DYDC2: variants seen among roughly 807,000 people sequenced by gnomAD.
The protein encoded by DYDC2 is DPY30 domain containing 2.
DYDC2 carries 19 observed loss-of-function variants against 18.7 expected under a neutral mutation model. That is an observed-to-expected ratio of 1.02 (90% CI 0.71 to 1.49). The LOEUF (loss-of-function observed/expected upper bound fraction) is 1.49, where lower values mean the gene tolerates loss of function less well. Among genes scored for constraint, DYDC2 ranks in the 40% most tolerant of loss-of-function variants. The pLI is 0.00. For missense variants in DYDC2, 179 were observed against 205.1 expected, an observed-to-expected ratio of 0.87 and a Z score of 0.78; for synonymous variants, 63 against 67.6, an observed-to-expected ratio of 0.93 and a Z score of 0.34.
chr10:80,348,548 A>G (rs1234056258), intron 1 of DYDC2, among the ~76,000 whole-genome samples: 1 of 152,206 alleles, frequency 6.6e-6, no homozygotes, highest in Non-Finnish European at 1.5e-5. Flanking sequence ...TTCCCAAACA[A>G]ATTGTCAGTG....
chr10:80,366,394 T>C (rs1328092922), intron 4 of DYDC2, among the ~76,000 whole-genome samples: 1 of 152,174 alleles, frequency 6.6e-6, no homozygotes, highest in Non-Finnish European at 1.5e-5. Context: ...TTTCCTACTT[T>C]TTTACTTCTG....
At chr10:80,350,333 C>T (rs887256699) in intron 1 of DYDC2, among the ~76,000 whole-genome samples, 5 of 152,072 alleles carry the variant, frequency 3.3e-5, no homozygotes, top group Middle Eastern at 3.2e-3. Flanking sequence ...CTCCCACTTA[C>T]GATGTAATTG....
At chr10:80,364,357 AGAGGT>A (rs1198996995) in intron 4 of DYDC2, among the ~76,000 whole-genome samples, 2 of 152,194 alleles carry the variant, frequency 1.3e-5, no homozygotes, top group African/African-American at 4.8e-5. Context: ...TGGAGATGGG[AGAGGT>A]GAGGATCATT....
At chr10:80,362,724 T>G in intron 3 of DYDC2, 134 bp downstream of exon 3, 1 of 1,421,710 alleles carries the variant, frequency 7.0e-7, no homozygotes, top group Middle Eastern at 2.2e-4. Flanking sequence ...GAGCCAGATA[T>G]CCCTGAAGCA....
At chr10:80,362,622 C>CAGAGTAATTTGA (rs766298111) in intron 3 of DYDC2, 32 bp downstream of exon 3, 12 of 1,562,780 alleles carry the variant, frequency 7.7e-6, no homozygotes, top group Non-Finnish European at 1.0e-5. Context: ...TAGGGAGGGC[C>CAGAGTAATTTGA]CAGCTTTCCC....
At chr10:80,359,529 C>A (rs1043290986) in intron 2 of DYDC2, among the ~76,000 whole-genome samples, 2 of 152,134 alleles carry the variant, frequency 1.3e-5, no homozygotes, top group Non-Finnish European at 2.9e-5. Flanking sequence ...TCGATGGGAC[C>A]GGGCACCGCG....
At chr10:80,360,525 T>C (rs528930912) in intron 2 of DYDC2, among the ~76,000 whole-genome samples, 3 of 152,212 alleles carry the variant, frequency 2.0e-5, no homozygotes, top group Admixed American at 2.0e-4. Flanking sequence ...AGTTACAAAG[T>C]CTCTTTTGCC....
intron 2 of DYDC2, among the ~76,000 whole-genome samples, chr10:80,361,707 T>C (rs1012009198): frequency 1.3e-5 from 2 of 152,232 alleles, no homozygotes; most frequent in Non-Finnish European, 2.9e-5. Flanking sequence ...CTGTAAGTTA[T>C]AATCCATTAC....
At position 80,351,356 on chromosome 10, in the gene DYDC2, T is replaced by C. The variant is rs1842961298; in HGVS notation, c.-309-4941T>C. Among the ~76,000 whole-genome samples the C allele has an allele frequency of 5.3e-5, 8 of 151,538 alleles. No individual in the cohort carries two copies. The South Asian group carries it at 1.7e-3, about 31-fold the overall frequency. Reference sequence around the variant, plus strand: ...CCTACGAATCATCCACTCTATTTCCTAATGTCACCCACTCACTCCTCCACT... The same window carrying C: ...CCTACGAATCATCCACTCTATTTCCCAATGTCACCCACTCACTCCTCCACT... On this transcript the variant is annotated intron_variant, in intron 1 of 4. Coordinates refer to the DYDC2 transcript ENST00000372197.
intron 1 of DYDC2, among the ~76,000 whole-genome samples, chr10:80,345,824 G>A (rs976894217): frequency 1.3e-5 from 2 of 151,986 alleles, no homozygotes; most frequent in Admixed American, 1.3e-4. Flanking sequence ...ATACATATAT[G>A]TGAGATATAT....
upstream of DYDC2, among the ~76,000 whole-genome samples, chr10:80,353,757 T>A (rs557060379): frequency 1.3e-5 from 2 of 152,094 alleles, no homozygotes; most frequent in South Asian, 4.2e-4. Context: ...GGGATGATGA[T>A]ACCCATTTTT....
At chr10:80,358,678 G>A (rs906047380) in intron 2 of DYDC2, among the ~76,000 whole-genome samples, 2 of 152,128 alleles carry the variant, frequency 1.3e-5, no homozygotes, top group Non-Finnish European at 2.9e-5. Flanking sequence ...ACTACAGGTC[G>A]CTTGGAGATT....
upstream of DYDC2, among the ~76,000 whole-genome samples, chr10:80,355,399 G>T (rs1373639407): frequency 6.6e-6 from 1 of 152,016 alleles, no homozygotes; most frequent in Non-Finnish European, 1.5e-5. Context: ...GGGCAAAATG[G>T]TATAACTCCT....
chr10:80,355,978 AG>A (rs1589526489), upstream of DYDC2, among the ~76,000 whole-genome samples: 2 of 147,762 alleles, frequency 1.4e-5, no homozygotes, highest in East Asian at 3.9e-4. Context: ...AGTCATTTGA[AG>A]TGAAGTTAAA....
At chr10:80,347,049 C>T (rs1564663243) in intron 1 of DYDC2, among the ~76,000 whole-genome samples, 1 of 151,682 alleles carries the variant, frequency 6.6e-6, no homozygotes, top group African/African-American at 2.4e-5. Context: ...CACTTCACTC[C>T]AGCCTGGGTG....
chr10:80,348,898 CT>C (rs546974679), intron 1 of DYDC2, among the ~76,000 whole-genome samples: 9,357 of 148,654 alleles, frequency 0.063, 290 homozygotes, highest in Middle Eastern at 0.1. Context: ...AGCAGATAAA[CT>C]TTTTTTTTTT....
At chr10:80,353,797 C>G (rs146853729), upstream of DYDC2, among the ~76,000 whole-genome samples, 765 of 152,142 alleles carry the variant, frequency 5.0e-3, 8 homozygotes, top group Non-Finnish European at 9.3e-3. Flanking sequence ...ACATGAGACC[C>G]ACATTACTTG....
At chr10:80,357,559 T>A (rs1843460918) in intron 1 of DYDC2, among the ~76,000 whole-genome samples, 1 of 152,148 alleles carries the variant, frequency 6.6e-6, no homozygotes, top group African/African-American at 2.4e-5. Context: ...AAGCTGCTAA[T>A]AGCTTGGCAG....
intron 1 of DYDC2, among the ~76,000 whole-genome samples, chr10:80,348,773 G>T (rs953247902): frequency 6.6e-6 from 1 of 152,202 alleles, no homozygotes; most frequent in Non-Finnish European, 1.5e-5. Flanking sequence ...TCTAAGGAAT[G>T]AATATGCTTA....
Sources: gnomAD v4.1 joint callset for allele counts (sites outside exome capture counted in the v4.1 genomes callset) on GRCh38, gnomAD v4.1.1 for gene constraint, MANE v1.5 for transcripts, NCBI Gene and HGNC (gene_info 2026-07-23, HGNC 2026-07-21) for gene names.